PLCH1: variants seen among roughly 807,000 people sequenced by gnomAD.
PLCH1 encodes 1-phosphatidylinositol 4,5-bisphosphate phosphodiesterase eta-1.
In PLCH1, 60 loss-of-function variants were observed where a neutral mutation model predicts 126.7. The observed-to-expected ratio is 0.47, with a 90% CI of 0.38 to 0.59. The LOEUF (loss-of-function observed/expected upper bound fraction) is 0.59. Ranked by LOEUF, PLCH1 falls within the 20% of genes least tolerant of loss-of-function variation. The probability of loss-of-function intolerance (pLI) is 0.00; values close to 1 mark genes in which losing one functional copy is unlikely to be tolerated. For missense variants in PLCH1, 1,723 were observed against 2,040.0 expected (o/e 0.84, Z 2.99); for synonymous variants, 719 against 734.9 (o/e 0.98, Z 0.35).
At position 155,524,000 on chromosome 3, in the gene PLCH1, T is replaced by G. The variant is rs1414387074; in HGVS notation, c.1367A>C (p.Lys456Thr). The change falls in exon 11 of 23, where the codon AAG becomes ACG. Residue 456 changes from lysine (K) to threonine (T), a missense_variant. Transcript: ENST00000460012. Reference protein sequence around the residue: ...SLKGKILVKGKKLPYHLGDDA... With the variant: ...SLKGKILVKGTKLPYHLGDDA... ...ATCCCCAAGGTGATAAGGCAACTTC[T>G]TACCCTGAAATGGAACAAAACATCC... The G allele has an allele frequency of 3.2e-6, 5 of 1,566,998 alleles. No individual in the cohort carries two copies. Among genetic ancestry groups the G allele is most frequent in the Non-Finnish European group, 4.4e-6 (5 of 1,140,062 alleles).
rs552741577 is a variant in PLCH1, at chr3:155,520,578, A to G, written c.1470+3319T>C. Among the ~76,000 whole-genome samples, 4 of 152,342 alleles carry G rather than the reference A, an allele frequency of 2.6e-5. No individual in the cohort carries two copies. The South Asian group carries it at 6.2e-4, about 24-fold the overall frequency. On this transcript the variant is annotated intron_variant, in intron 11 of 22. Transcript: ENST00000460012. ...GCATAACTCAGCAGAAGCAGAAAAAAATTAATGAAGTTAAAATACAGAGGT... is the reference window on the plus strand; with the variant it reads ...GCATAACTCAGCAGAAGCAGAAAAAGATTAATGAAGTTAAAATACAGAGGT...
intron 21 of PLCH1, among the ~76,000 whole-genome samples, chr3:155,462,187 T>G (rs977404027): frequency 6.6e-6 from 1 of 151,892 alleles, no homozygotes; most frequent in Non-Finnish European, 1.5e-5. Context: ...CTATGAGAGG[T>G]TGGGGTTGTT....
intron 9 of PLCH1, among the ~76,000 whole-genome samples, chr3:155,552,767 C>A (rs1183488432): frequency 6.6e-6 from 1 of 152,120 alleles, no homozygotes; most frequent in East Asian, 1.9e-4. Context: ...AATTGAATCA[C>A]CATGCTCATA....
At chr3:155,594,985 G>A (rs566908667) in intron 3 of PLCH1, among the ~76,000 whole-genome samples, 1 of 152,338 alleles carries the variant, frequency 6.6e-6, no homozygotes, top group South Asian at 2.1e-4. Context: ...TAGAGAAAAT[G>A]CCATAGGGCT....
intron 21 of PLCH1, among the ~76,000 whole-genome samples, chr3:155,471,015 C>G (rs896641140): frequency 2.0e-5 from 3 of 151,480 alleles, no homozygotes; most frequent in African/African-American, 7.3e-5. Flanking sequence ...GAAAGTGCAT[C>G]AACTAACGAG....
At chr3:155,703,384 A>G (rs150476530) in intron 2 of PLCH1, among the ~76,000 whole-genome samples, 1 of 152,330 alleles carries the variant, frequency 6.6e-6, no homozygotes, top group East Asian at 1.9e-4. Context: ...AGATTACTCC[A>G]AAAATTCTGG....
In PLCH1 at chr3:155,509,202, C is replaced by T. The variant is rs183818874; in HGVS notation, c.1633-4576G>A. On this transcript the variant is annotated intron_variant, in intron 12 of 22. Coordinates refer to ENST00000460012, the MANE Select transcript of PLCH1 (RefSeq NM_014996.4). The stretch of plus-strand genomic sequence containing the variant: ...ATTTCTGTGCGATCAGTGGTGATAT[C>T]CCCTTTATCATTTTTTATTGTGTCT... 1.4e-4 allele frequency among the ~76,000 whole-genome samples: 19 copies of T among 134,824 alleles called. No individual in the cohort carries two copies. The East Asian group carries it at 3.2e-3, about 23-fold the overall frequency. 88.4% of individuals were successfully genotyped at this position (134,824 alleles called of 152,430 possible). A position where few individuals can be genotyped will look rare whatever the true frequency, so the allele number is the denominator to read the frequency against.
chr3:155,741,745 C>T (rs891896113), intron 1 of PLCH1, among the ~76,000 whole-genome samples: 3 of 126,002 alleles, frequency 2.4e-5, no homozygotes, highest in African/African-American at 6.7e-5. Context: ...GGCATGCAGA[C>T]CAACATTCTT....
At chr3:155,735,393 G>C (rs937788755) in intron 1 of PLCH1, among the ~76,000 whole-genome samples, 13 of 147,952 alleles carry the variant, frequency 8.8e-5, no homozygotes, top group African/African-American at 3.3e-4. Context: ...CAACACTTTG[G>C]GAGGCCAAGG....
At chr3:155,667,250 T>TA (rs1266121322) in intron 2 of PLCH1, among the ~76,000 whole-genome samples, 1 of 152,100 alleles carries the variant, frequency 6.6e-6, no homozygotes, top group African/African-American at 2.4e-5. Flanking sequence ...CACTGTACAC[T>TA]AAAAAAATCC....
chr3:155,708,844 C>T (rs1192413193), intron 1 of PLCH1, among the ~76,000 whole-genome samples: 1 of 152,112 alleles, frequency 6.6e-6, no homozygotes, highest in African/African-American at 2.4e-5. Flanking sequence ...TAAATAGAAC[C>T]TGCAGATTTA....
At chr3:155,631,868 C>A (rs976480320) in intron 2 of PLCH1, among the ~76,000 whole-genome samples, 1 of 150,776 alleles carries the variant, frequency 6.6e-6, no homozygotes, top group Non-Finnish European at 1.5e-5. Context: ...TTTAAATGCT[C>A]TTTCCCTACG....
chr3:155,694,711 C>G lies in PLCH1; in HGVS notation c.79+9435G>C, dbSNP rs1320246475. ...CATTTTCACAGATTCTATATTTATC[C>G]TACCCAGAGAGGTGTTTACTTCTCA... On this transcript the variant is annotated intron_variant, in intron 2 of 22. Transcript: ENST00000460012. Among the ~76,000 whole-genome samples, 3 of 152,272 alleles carry G rather than the reference C, an allele frequency of 2.0e-5. No individual in the cohort carries two copies. In the East Asian group the frequency reaches 5.8e-4, roughly 29 times the overall value.
At position 155,492,636 on chromosome 3, in the gene PLCH1, A is replaced by G. The variant is rs554224268; in HGVS notation, c.2307+93T>C. 1.2e-3 allele frequency: 1,468 copies of G among 1,194,882 alleles called. 1 individual carries two copies. The highest frequency in any genetic ancestry group is 1.6e-3 in the Non-Finnish European group (1,353 of 871,366). 74.0% of individuals were successfully genotyped at this position (1,194,882 alleles called of 1,614,324 possible). On this transcript the variant is annotated intron_variant, in intron 18 of 22. Coordinates refer to ENST00000460012, the MANE Select transcript of PLCH1 (RefSeq NM_014996.4). ...GAGGTCAGTGCTCAGTTATGAACAC[A>G]CATACATCTCTGAAGACATTTCGGA...
intron 11 of PLCH1, among the ~76,000 whole-genome samples, chr3:155,516,229 C>T (rs1720289857): frequency 6.6e-6 from 1 of 152,186 alleles, no homozygotes; most frequent in Non-Finnish European, 1.5e-5. Flanking sequence ...CTACCCTGGT[C>T]ATCAGAGATG....
In PLCH1 at chr3:155,595,950, A is replaced by G. The variant is rs77328539; in HGVS notation, c.226+282T>C. Reference sequence around the variant, plus strand: ...CTTTTATAGGAATGTAAAACATCTCAGGCTGTAAAACCATATATTCCAACT... The same window carrying G: ...CTTTTATAGGAATGTAAAACATCTCGGGCTGTAAAACCATATATTCCAACT... On this transcript the variant is annotated intron_variant, in intron 3 of 22. Transcript: ENST00000460012. 5.7e-3 allele frequency among the ~76,000 whole-genome samples: 852 copies of G among 150,032 alleles called. 19 individuals carry two copies. Among genetic ancestry groups the G allele is most frequent in the Admixed American group, 0.032 (481 of 14,908 alleles).
intron 6 of PLCH1, among the ~76,000 whole-genome samples, chr3:155,575,477 T>TATC (rs1462955115): frequency 6.6e-6 from 1 of 152,118 alleles, no homozygotes; most frequent in East Asian, 1.9e-4. Flanking sequence ...GGGTAATGTA[T>TATC]AGATCTATAT....
At chr3:155,677,834 CAT>C (rs1744210169) in intron 2 of PLCH1, among the ~76,000 whole-genome samples, 1 of 152,158 alleles carries the variant, frequency 6.6e-6, no homozygotes. Flanking sequence ...CAAAATGTGA[CAT>C]ATCTGAGAAA....
At chr3:155,709,621 CATTT>C (rs1461045304) in intron 1 of PLCH1, among the ~76,000 whole-genome samples, 2 of 152,068 alleles carry the variant, frequency 1.3e-5, no homozygotes, top group African/African-American at 2.4e-5. Context: ...TTCATTCATT[CATTT>C]ATTTATTTTG....
Sources: gnomAD v4.1 joint callset for allele counts (sites outside exome capture counted in the v4.1 genomes callset) on GRCh38, gnomAD v4.1.1 for gene constraint, MANE v1.5 for transcripts, NCBI Gene and HGNC (gene_info 2026-07-23, HGNC 2026-07-21) for gene names.